SIRPB1: variants seen among roughly 807,000 people sequenced by gnomAD.
SIRPB1 encodes signal regulatory protein beta 1, also known as signal-regulatory protein beta-1.
SIRPB1 carries 28 observed loss-of-function variants against 34.1 expected under a neutral mutation model. The ratio of observed to expected loss-of-function variants is 0.82; its 90% CI spans 0.61 to 1.12. The LOEUF is 1.12. SIRPB1 is among the 50% of genes most tolerant of loss of function. The pLI, the probability that SIRPB1 is intolerant of heterozygous loss-of-function variation, is 0.00. For synonymous variants in SIRPB1, 211 were observed against 203.8 expected (o/e 1.04, Z -0.30); for missense variants, 499 against 507.0 (o/e 0.98, Z 0.15).
intron 4 of SIRPB1, 22 bp from the exon 5 acceptor site, chr20:1,566,289 G>T: frequency 2.6e-6 from 4 of 1,518,356 alleles, no homozygotes; most frequent in Non-Finnish European, 2.7e-6. Flanking sequence ...GGAAGAGGAG[G>T]AGCCATGAGA....
chr20:1,566,679 C>T lies in SIRPB1; in HGVS notation c.1085-412G>A, dbSNP rs78484958. On this transcript the variant is annotated intron_variant, in intron 4 of 5. Transcript: ENST00000381605. ...AACCTAGGGAAGCCCATCATTATGT[C>T]CCCAAGGGTGACTCCTGAGTCCAAG... is the stretch of plus-strand genomic sequence containing the variant. 3.3e-5 allele frequency among the ~76,000 whole-genome samples: 5 copies of T among 152,266 alleles called. No homozygotes were observed. In the East Asian group the frequency reaches 9.7e-4, roughly 29 times the overall value.
intron 1 of SIRPB1, 132 bp from the exon 2 acceptor site, chr20:1,578,826 A>G: frequency 1.3e-6 from 1 of 747,598 alleles, no homozygotes; most frequent in South Asian, 1.7e-5. Context: ...CACTACATGT[A>G]TTATCTCATT....
chr20:1,571,722 C>T lies in SIRPB1; in HGVS notation c.749G>A (p.Arg250Gln), dbSNP rs144175019. Residue 250 changes from arginine to glutamine, a missense_variant and splice_region_variant, in exon 3 of 6, where the codon CGA (arginine) becomes CAA (glutamine). Arg to Gln is a conservative substitution (Grantham distance 43). Transcript: ENST00000381605. ...GGCTGGGTGTGAGGGTCTTCTACCT[C>T]GGATGGCCTCAGACAAGTTGGCAGT... ...RGTANLSEAI[R>Q]VPPTLEVTQQ... 1.2e-4 allele frequency: 190 copies of T among 1,614,182 alleles called. No individual in the cohort carries two copies. The highest frequency in any genetic ancestry group is 8.1e-4 in the African/African-American group (61 of 75,058).
chr20:1,618,564 G>A (rs1353027176), intron 1 of SIRPB1, among the ~76,000 whole-genome samples: 1 of 152,220 alleles, frequency 6.6e-6, no homozygotes, highest in Non-Finnish European at 1.5e-5. Context: ...AACTCTTACT[G>A]CTGTCATTTG....
In SIRPB1 at chr20:1,571,748, C is replaced by T. The variant is rs767102864; in HGVS notation, c.723G>A (p.Gly241=). ...HITLQGDPLR[G]TANLSEAIRV... ...GGATGGCCTCAGACAAGTTGGCAGT[C>T]CCACGAAGAGGGTCCCCCTGCAAGG... Residue 241 remains glycine (G), a synonymous_variant, in exon 3 of 6, where the codon GGG becomes GGA. Coordinates refer to ENST00000381605, the MANE Select transcript of SIRPB1 (RefSeq NM_006065.5). 1.2e-6 allele frequency: 2 copies of T among 1,614,190 alleles called. No individual in the cohort carries two copies. Among genetic ancestry groups the T allele is most frequent in the Non-Finnish European group, 8.5e-7 (1 of 1,180,028 alleles).
chr20:1,568,552 G>A (rs1268414919), intron 4 of SIRPB1, among the ~76,000 whole-genome samples: 1 of 152,140 alleles, frequency 6.6e-6, no homozygotes, highest in Non-Finnish European at 1.5e-5. Flanking sequence ...GTACAACTAT[G>A]AACCCAAGAA....
intron 2 of SIRPB1, among the ~76,000 whole-genome samples, chr20:1,572,467 A>G (rs1341301907): frequency 6.6e-6 from 1 of 151,244 alleles, no homozygotes; most frequent in Admixed American, 6.6e-5. Context: ...GAGAGCTGCA[A>G]CCAGGCTGCT....
chr20:1,570,692 C>A (rs138844422), intron 4 of SIRPB1, 113 bp downstream of exon 4: 3 of 916,688 alleles, frequency 3.3e-6, no homozygotes, highest in African/African-American at 3.3e-5. Context: ...TTAATGTAGA[C>A]GTTAAAATTC....
intron 2 of SIRPB1, 30 bp from the exon 3 acceptor site, chr20:1,572,067 C>T (rs373933434): frequency 1.4e-4 from 226 of 1,613,642 alleles, no homozygotes; most frequent in Middle Eastern, 8.4e-4. Context: ...AATCAGGAGA[C>T]ATGACTCAGA....
At chr20:1,614,396 G>A (rs1450207448) in intron 1 of SIRPB1, among the ~76,000 whole-genome samples, 1 of 152,132 alleles carries the variant, frequency 6.6e-6, no homozygotes, top group Non-Finnish European at 1.5e-5. Flanking sequence ...CAGGTGACCA[G>A]GTAACCAGTA....
intron 1 of SIRPB1, among the ~76,000 whole-genome samples, chr20:1,618,992 T>C (rs962676284): frequency 1.3e-5 from 2 of 152,120 alleles, no homozygotes; most frequent in African/African-American, 4.8e-5. Flanking sequence ...AATGAGGTCA[T>C]TGGGGTGGGC....
chr20:1,576,322 A>G (rs2091309233), intron 2 of SIRPB1, among the ~76,000 whole-genome samples: 1 of 147,928 alleles, frequency 6.8e-6, no homozygotes, highest in Non-Finnish European at 1.5e-5. Context: ...ATGTACATAC[A>G]TGTACATGAA....
Position 1,578,459 on chromosome 20 carries a change from G to A in SIRPB1, c.312C>T (p.Ser104=). 1 of 1,584,320 alleles carries A rather than the reference G, an allele frequency of 6.3e-7. No individual in the cohort carries two copies. The highest frequency in any genetic ancestry group is 8.6e-7 in the Non-Finnish European group (1 of 1,158,062). Residue 104 remains serine, a synonymous_variant, in exon 2 of 6, where the codon TCC becomes TCT. Transcript: ENST00000381605. ...ELTKRNNLDF[S]ISISNITPAD... Reference sequence around the variant, plus strand: ...CTGGGGTGATGTTACTGATGCTGATGGAAAAGTCCAGGTTGTTTCTCTTTG... The same window carrying A: ...CTGGGGTGATGTTACTGATGCTGATAGAAAAGTCCAGGTTGTTTCTCTTTG...
At chr20:1,617,600 T>C (rs1027741615) in intron 1 of SIRPB1, among the ~76,000 whole-genome samples, 1 of 152,176 alleles carries the variant, frequency 6.6e-6, no homozygotes, top group Non-Finnish European at 1.5e-5. Context: ...AGAAATTAGT[T>C]CCACAAATCT....
At chr20:1,571,258 C>T in intron 3 of SIRPB1, 121 bp from the exon 4 acceptor site, 1 of 1,045,300 alleles carries the variant, frequency 9.6e-7, no homozygotes. Flanking sequence ...AGGCAGGCAG[C>T]AGGTGCTCAG....
At position 1,578,708 on chromosome 20, in the gene SIRPB1, C is replaced by T. The variant is rs772808907; in HGVS notation, c.77-14G>A. 6.5e-7 allele frequency: 1 copy of T among 1,538,258 alleles called. No homozygotes were observed. The highest frequency in any genetic ancestry group is 1.4e-5 in the African/African-American group (1 of 73,530). ...CACCTGCCACTCCTGGAAAGGAGCACAAAGCAGTCATTTCTTCATCCTTAC... is the reference window on the plus strand; with the variant it reads ...CACCTGCCACTCCTGGAAAGGAGCATAAAGCAGTCATTTCTTCATCCTTAC... On this transcript the variant is annotated splice_polypyrimidine_tract_variant and intron_variant, in intron 1 of 5. Transcript: ENST00000381605.
intron 1 of SIRPB1, among the ~76,000 whole-genome samples, chr20:1,613,788 A>G (rs1326301518): frequency 6.6e-6 from 1 of 152,226 alleles, no homozygotes; most frequent in Non-Finnish European, 1.5e-5. Flanking sequence ...CCAGGGGGAA[A>G]AAAGAGAAAG....
At chr20:1,571,195 G>A in intron 3 of SIRPB1, 58 bp from the exon 4 acceptor site, 2 of 1,514,938 alleles carry the variant, frequency 1.3e-6, no homozygotes, top group Non-Finnish European at 1.8e-6. Context: ...CACAGGGAGG[G>A]CTAAATAACG....
At chr20:1,566,039 C>T in intron 5 of SIRPB1, 114 bp downstream of exon 5, 1 of 658,114 alleles carries the variant, frequency 1.5e-6, no homozygotes. Context: ...GGAGCCCTGT[C>T]ACCTTCTGTA....
Sources: gnomAD v4.1 joint callset for allele counts (sites outside exome capture counted in the v4.1 genomes callset) on GRCh38, gnomAD v4.1.1 for gene constraint, MANE v1.5 for transcripts, NCBI Gene and HGNC (gene_info 2026-07-23, HGNC 2026-07-21) for gene names.